The following CPA6 variants were observed in gnomAD, a reference collection of about 807,000 sequenced individuals.
CPA6 encodes the protein carboxypeptidase A6, also known as carboxypeptidase B.
A neutral mutation model predicts 63.3 loss-of-function variants in CPA6; 58 were observed. The ratio of observed to expected loss-of-function variants is 0.92; its 90% CI spans 0.74 to 1.14. The LOEUF (loss-of-function observed/expected upper bound fraction) is 1.14. CPA6 is among the 50% of genes most tolerant of loss of function. The pLI, the probability that CPA6 is intolerant of heterozygous loss-of-function variation, is 0.00. For missense variants in CPA6, 565 were observed against 526.6 expected, an observed-to-expected ratio of 1.07 and a Z score of -0.71; for synonymous variants, 185 against 179.0, an observed-to-expected ratio of 1.03 and a Z score of -0.27.
chr8:67,423,557 A>G (rs1238843061), intron 10 of CPA6, among the ~76,000 whole-genome samples: 1 of 152,138 alleles, frequency 6.6e-6, no homozygotes, highest in Non-Finnish European at 1.5e-5. Flanking sequence ...CAGACCCTCA[A>G]CATGCCTCAT....
intron 1 of CPA6, among the ~76,000 whole-genome samples, chr8:67,714,068 C>T (rs770275731): frequency 3.3e-5 from 5 of 151,950 alleles, no homozygotes; most frequent in South Asian, 4.1e-4. Flanking sequence ...TGCCTGGAAA[C>T]GAGGTTCTTT....
At chr8:67,545,382 G>A (rs1384377068) in intron 2 of CPA6, among the ~76,000 whole-genome samples, 1 of 151,962 alleles carries the variant, frequency 6.6e-6, no homozygotes, top group African/African-American at 2.4e-5. Flanking sequence ...GCTACTTCCT[G>A]GTCTACCTTC....
chr8:67,439,706 A>G (rs1004666669), intron 8 of CPA6, among the ~76,000 whole-genome samples: 1 of 152,214 alleles, frequency 6.6e-6, no homozygotes, highest in Non-Finnish European at 1.5e-5. Context: ...GATCATGAAG[A>G]ATGCTAATAG....
At chr8:67,460,172 C>T (rs956461485) in intron 8 of CPA6, among the ~76,000 whole-genome samples, 3 of 152,116 alleles carry the variant, frequency 2.0e-5, no homozygotes, top group African/African-American at 7.2e-5. Context: ...ACTATTAGTT[C>T]CTAAGAACAA....
chr8:67,546,400 T>G (rs1270437000), intron 2 of CPA6, among the ~76,000 whole-genome samples: 1 of 152,234 alleles, frequency 6.6e-6, no homozygotes, highest in Non-Finnish European at 1.5e-5. Context: ...AATAAAACTC[T>G]ACTGTCCCTC....
intron 8 of CPA6, among the ~76,000 whole-genome samples, chr8:67,444,426 A>C (rs759129478): frequency 1.3e-5 from 2 of 152,192 alleles, no homozygotes; most frequent in Non-Finnish European, 1.5e-5. Flanking sequence ...TACTAAAGAT[A>C]AATATGAAGC....
At chr8:67,603,750 A>T (rs1309769708) in intron 2 of CPA6, among the ~76,000 whole-genome samples, 1 of 152,174 alleles carries the variant, frequency 6.6e-6, no homozygotes, top group African/African-American at 2.4e-5. Flanking sequence ...CAAAACACTG[A>T]ATCACTCAGT....
At chr8:67,654,899 T>C (rs900919247) in intron 1 of CPA6, among the ~76,000 whole-genome samples, 7 of 152,178 alleles carry the variant, frequency 4.6e-5, no homozygotes, top group Non-Finnish European at 1.0e-4. Context: ...ACTTTGGATT[T>C]AGTATAGCTT....
chr8:67,545,554 C>T (rs1246473089), intron 2 of CPA6, among the ~76,000 whole-genome samples: 8 of 126,096 alleles, frequency 6.3e-5, no homozygotes, highest in Non-Finnish European at 1.4e-4. Context: ...TCCACAGTTG[C>T]TACTGTTACT....
chr8:67,499,802 C>T (rs1197828263), intron 6 of CPA6, among the ~76,000 whole-genome samples: 2 of 152,170 alleles, frequency 1.3e-5, no homozygotes, highest in African/African-American at 4.8e-5. Flanking sequence ...GGAGATTCAT[C>T]CAGGTTGCTG....
intron 6 of CPA6, among the ~76,000 whole-genome samples, chr8:67,485,333 T>A (rs1266503372): frequency 6.6e-6 from 1 of 152,122 alleles, no homozygotes; most frequent in Non-Finnish European, 1.5e-5. Flanking sequence ...TTTTTATTAC[T>A]TCCTGATCCC....
At chr8:67,530,377 G>C (rs564108008) in intron 2 of CPA6, among the ~76,000 whole-genome samples, 64 of 152,234 alleles carry the variant, frequency 4.2e-4, no homozygotes, top group African/African-American at 1.3e-3. Flanking sequence ...AGGGGCTGTT[G>C]AGTTCACAGT....
chr8:67,511,678 G>A, intron 3 of CPA6, 23 bp from the exon 4 acceptor site: 1 of 1,381,304 alleles, frequency 7.2e-7, no homozygotes, highest in Non-Finnish European at 1.0e-6. Flanking sequence ...TGACAGACAT[G>A]ATGAAAAGTA....
intron 1 of CPA6, among the ~76,000 whole-genome samples, chr8:67,667,864 C>T (rs1439472735): frequency 6.6e-6 from 1 of 152,186 alleles, no homozygotes; most frequent in Non-Finnish European, 1.5e-5. Flanking sequence ...TGCAGGGCAC[C>T]AGGGACAGAA....
At chr8:67,556,891 A>G (rs946578565) in intron 2 of CPA6, among the ~76,000 whole-genome samples, 4 of 152,222 alleles carry the variant, frequency 2.6e-5, no homozygotes, top group Non-Finnish European at 5.9e-5. Context: ...CTGGACCGTG[A>G]GGAGAATAGG....
chr8:67,719,538 G>T (rs1817451148), intron 1 of CPA6, among the ~76,000 whole-genome samples: 1 of 152,178 alleles, frequency 6.6e-6, no homozygotes, highest in African/African-American at 2.4e-5. Flanking sequence ...AGTTGCCCTG[G>T]TCCACTGAAG....
chr8:67,644,620 G>A (rs548120190), intron 1 of CPA6, among the ~76,000 whole-genome samples: 1 of 152,274 alleles, frequency 6.6e-6, no homozygotes, highest in African/African-American at 2.4e-5. Context: ...TCTGTGCACC[G>A]GAACTTGAAG....
At chr8:67,437,743 C>T (rs1331112870) in intron 8 of CPA6, among the ~76,000 whole-genome samples, 5 of 151,964 alleles carry the variant, frequency 3.3e-5, no homozygotes, top group Non-Finnish European at 7.4e-5. Flanking sequence ...TGGTTTGAAA[C>T]ATTCCTAGAA....
At chr8:67,599,752 G>A (rs959207156) in intron 2 of CPA6, among the ~76,000 whole-genome samples, 8 of 152,130 alleles carry the variant, frequency 5.3e-5, no homozygotes, top group African/African-American at 1.9e-4. Context: ...TCACCATGAG[G>A]AACAAACTGC....
Sources: gnomAD v4.1 joint callset for allele counts (sites outside exome capture counted in the v4.1 genomes callset) on GRCh38, gnomAD v4.1.1 for gene constraint, MANE v1.5 for transcripts, NCBI Gene and HGNC (gene_info 2026-07-23, HGNC 2026-07-21) for gene names.